The following MIB1 variants were observed in gnomAD, a reference collection of about 807,000 sequenced individuals.
The protein encoded by MIB1 is E3 ubiquitin-protein ligase MIB1.
Under a neutral mutation model 124.5 loss-of-function variants are expected in MIB1, and 278 were observed. That is an observed-to-expected ratio of 2.23 (90% CI 2.02 to 2.47). MIB1 has a LOEUF of 2.47. Among genes scored for constraint, MIB1 ranks in the 30% most tolerant of loss-of-function variants. MIB1 has a pLI of 0.00. For missense variants in MIB1, 957 were observed against 1,254.4 expected, an observed-to-expected ratio of 0.76 and a Z score of 3.58; for synonymous variants, 446 against 429.4, an observed-to-expected ratio of 1.04 and a Z score of -0.48.
In MIB1 at chr18:21,869,687, AT is replaced by A. The variant is rs1370661108; in HGVS notation, c.*5022del. ...TCTAATTAAGTTATTATGCAAAGTC[AT>A]CTATAAGTAGCATCTGGGAAGAGGA... On this transcript the variant is annotated 3_prime_UTR_variant, in exon 21 of 21. Transcript: ENST00000261537. 1.3e-5 allele frequency: 2 copies of A among 152,468 alleles called. No individual in the cohort carries two copies. The highest frequency in any genetic ancestry group is 4.8e-5 in the African/African-American group (2 of 41,444). 9.4% of individuals were successfully genotyped at this position (152,468 alleles called of 1,614,324 possible).
chr18:21,819,394 G>A (rs2041859388), intron 11 of MIB1, 101 bp from the exon 12 acceptor site: 4 of 680,764 alleles, frequency 5.9e-6, no homozygotes, highest in South Asian at 4.8e-5. Flanking sequence ...GTATTTGTTG[G>A]ATGTGGTCTC....
At chr18:21,854,270 T>C (rs1172901124) in intron 18 of MIB1, among the ~76,000 whole-genome samples, 2 of 152,174 alleles carry the variant, frequency 1.3e-5, no homozygotes, top group African/African-American at 4.8e-5. Context: ...TAGTAAATAT[T>C]TTTGGCTTTG....
Position 21,735,175 on chromosome 18 carries a change from A to T in MIB1, n.167+30052A>T, listed in dbSNP as rs537046211. The stretch of plus-strand genomic sequence containing the variant: ...GAAGGCAGGTGATTTCTGCATTTCC[A>T]ACTGAGGTACCTGGTTCATCTCACT... On this transcript the variant is annotated intron_variant and non_coding_transcript_variant, in intron 1 of 20. Transcript: ENST00000578646. Among the ~76,000 whole-genome samples, 4 of 152,236 alleles carry T rather than the reference A, an allele frequency of 2.6e-5. No homozygotes were observed. The South Asian group carries it at 8.3e-4, about 32-fold the overall frequency.
intron 1 of MIB1, among the ~76,000 whole-genome samples, chr18:21,753,234 T>C (rs560253914): frequency 6.6e-6 from 1 of 152,210 alleles, no homozygotes; most frequent in Non-Finnish European, 1.5e-5. Context: ...TGTTGCCCAG[T>C]CTGTAGTGCA....
At chr18:21,798,044 A>C in intron 7 of MIB1, 40 bp from the exon 8 acceptor site, 1 of 1,603,448 alleles carries the variant, frequency 6.2e-7, no homozygotes. Context: ...TATGGTATAT[A>C]CTTTAGACTT....
In MIB1 at chr18:21,799,694, AT is replaced by A. The variant is rs2041628138; in HGVS notation, c.1238-145del. ...TTTAATACAGCTTTTTATAGTAGTG[AT>A]TATAACTTGCATGGGTAGAAAAATA... On this transcript the variant is annotated intron_variant, in intron 8 of 20. Coordinates refer to ENST00000261537, the MANE Select transcript of MIB1 (RefSeq NM_020774.4). 3 of 754,944 alleles carry A rather than the reference AT, an allele frequency of 4.0e-6. No homozygotes were observed. The East Asian group carries it at 8.4e-5, about 21-fold the overall frequency. 46.8% of individuals were successfully genotyped at this position (754,944 alleles called of 1,614,324 possible). A position where few individuals can be genotyped will look rare whatever the true frequency, so the allele number is the denominator to read the frequency against.
rs577632624 is a variant in MIB1 at position 21,726,735 on chromosome 18, C to T, written n.167+21612C>T. 3.6e-4 allele frequency among the ~76,000 whole-genome samples: 55 copies of T among 152,278 alleles called. 1 individual carries two copies. Among genetic ancestry groups the T allele is most frequent in the Middle Eastern group, 6.8e-3 (2 of 294 alleles). ...TGAGATGATGCATTAGTCCCTGGAACATTATTAAATGTTGACTGAGATCAT... is the reference window on the plus strand; with the variant it reads ...TGAGATGATGCATTAGTCCCTGGAATATTATTAAATGTTGACTGAGATCAT... On this transcript the variant is annotated intron_variant and non_coding_transcript_variant, in intron 1 of 20. Transcript: ENST00000578646.
At chr18:21,727,610 A>G (rs2040748288) in intron 1 of MIB1, among the ~76,000 whole-genome samples, 1 of 152,118 alleles carries the variant, frequency 6.6e-6, no homozygotes. Flanking sequence ...AAAAACAATG[A>G]AAAATTAGCC....
chr18:21,803,570 T>A, intron 9 of MIB1, among the ~76,000 whole-genome samples: 1 of 152,234 alleles, frequency 6.6e-6, no homozygotes, highest in East Asian at 1.9e-4. Context: ...TTTTTTTCAT[T>A]GAACCATGGA....
intron 20 of MIB1, among the ~76,000 whole-genome samples, chr18:21,862,682 G>T (rs1433765640): frequency 1.3e-5 from 2 of 152,160 alleles, no homozygotes; most frequent in African/African-American, 4.8e-5. Flanking sequence ...GGGGCCCTGA[G>T]TTGGTTCACT....
At chr18:21,748,476 C>G (rs2040937134) in intron 1 of MIB1, among the ~76,000 whole-genome samples, 1 of 149,284 alleles carries the variant, frequency 6.7e-6, no homozygotes, top group African/African-American at 2.5e-5. Context: ...GTCCCCCAGG[C>G]CAGAGTGCAG....
At chr18:21,712,694 G>A (rs1373108829) in intron 1 of MIB1, among the ~76,000 whole-genome samples, 1 of 152,134 alleles carries the variant, frequency 6.6e-6, no homozygotes, top group Non-Finnish European at 1.5e-5. Context: ...TGAAAATACA[G>A]CATGGTCAAC....
At chr18:21,784,833 G>A (rs892332389) in intron 6 of MIB1, among the ~76,000 whole-genome samples, 1 of 152,102 alleles carries the variant, frequency 6.6e-6, no homozygotes, top group Admixed American at 6.5e-5. Context: ...TTCCCCGGAG[G>A]AGTTAGAGAA....
intron 3 of MIB1, 99 bp from the exon 4 acceptor site, chr18:21,773,525 T>C (rs2041245500): frequency 2.7e-6 from 2 of 735,222 alleles, no homozygotes; most frequent in Non-Finnish European, 4.5e-6. Context: ...CACAGGTTGC[T>C]AGATGAAATG....
chr18:21,791,749 G>A (rs906083154), intron 7 of MIB1, among the ~76,000 whole-genome samples, 192 bp downstream of exon 7: 3 of 152,130 alleles, frequency 2.0e-5, no homozygotes, highest in South Asian at 4.1e-4. Context: ...ATCCAGAAAA[G>A]GTTACAGTTA....
intron 1 of MIB1, among the ~76,000 whole-genome samples, chr18:21,745,847 C>T (rs1207978839): frequency 6.6e-6 from 1 of 152,108 alleles, no homozygotes; most frequent in Non-Finnish European, 1.5e-5. Flanking sequence ...GCTGGAATTA[C>T]AGGCATGCAC....
chr18:21,776,369 G>C (rs2041286733), intron 4 of MIB1, among the ~76,000 whole-genome samples: 1 of 152,154 alleles, frequency 6.6e-6, no homozygotes, highest in South Asian at 2.1e-4. Context: ...GTTGGGTACT[G>C]TGTGAGTGTG....
chr18:21,767,634 G>A (rs941525981), intron 2 of MIB1, among the ~76,000 whole-genome samples: 1 of 151,792 alleles, frequency 6.6e-6, no homozygotes, highest in Admixed American at 6.6e-5. Flanking sequence ...TGTAACCTCC[G>A]CCTCCCAGGT....
At chr18:21,806,131 G>A (rs2041703589) in intron 10 of MIB1, among the ~76,000 whole-genome samples, 2 of 151,552 alleles carry the variant, frequency 1.3e-5, no homozygotes, top group Admixed American at 1.3e-4. Context: ...TCTAACTCCT[G>A]ACCTCGAGTG....
Sources: allele counts gnomAD v4.1 joint callset (sites outside exome capture counted in the v4.1 genomes callset), GRCh38; gene constraint gnomAD v4.1.1; transcripts MANE v1.5; gene names NCBI Gene and HGNC (gene_info 2026-07-23, HGNC 2026-07-21).